SLC4A4: variants seen among roughly 807,000 people sequenced by gnomAD.
SLC4A4 encodes solute carrier family 4 member 4, also known as electrogenic sodium bicarbonate cotransporter 1.
SLC4A4 carries 27 observed loss-of-function variants against 111.5 expected under a neutral mutation model. The ratio of observed to expected loss-of-function variants is 0.24; its 90% CI spans 0.18 to 0.33. The LOEUF (loss-of-function observed/expected upper bound fraction) is 0.33. Among genes scored for constraint, SLC4A4 ranks in the 10% least tolerant of loss-of-function variants. The probability of loss-of-function intolerance (pLI) is 1.00; values close to 1 mark genes in which losing one functional copy is unlikely to be tolerated. For missense variants in SLC4A4, 909 were observed against 1,315.5 expected, an observed-to-expected ratio of 0.69 and a Z score of 4.78; for synonymous variants, 443 against 463.4, an observed-to-expected ratio of 0.96 and a Z score of 0.57.
intron 2 of SLC4A4, among the ~76,000 whole-genome samples, chr4:71,146,461 G>A (rs563987718): frequency 6.6e-6 from 1 of 152,250 alleles, no homozygotes; most frequent in African/African-American, 2.4e-5. Flanking sequence ...ATGTCCATTA[G>A]GTCCGCTTGG....
chr4:71,153,537 T>C (rs1744372456), intron 2 of SLC4A4, among the ~76,000 whole-genome samples: 1 of 152,176 alleles, frequency 6.6e-6, no homozygotes, highest in Non-Finnish European at 1.5e-5. Context: ...CTCATTGAGC[T>C]TCACTTCCTT....
chr4:71,343,946 T>C (rs1729102437), intron 4 of SLC4A4, among the ~76,000 whole-genome samples: 1 of 152,144 alleles, frequency 6.6e-6, no homozygotes, highest in African/African-American at 2.4e-5. Flanking sequence ...GCGTGGCCCA[T>C]GTCCTCATCT....
At chr4:71,103,090 T>C (rs1456191363) in intron 2 of SLC4A4, among the ~76,000 whole-genome samples, 2 of 150,998 alleles carry the variant, frequency 1.3e-5, no homozygotes, top group Admixed American at 6.6e-5. Context: ...ACCAAGCAAA[T>C]GGAAAACAAA....
At chr4:71,522,983 T>A (rs1473637144) in intron 16 of SLC4A4, among the ~76,000 whole-genome samples, 10 of 152,202 alleles carry the variant, frequency 6.6e-5, no homozygotes, top group Admixed American at 1.3e-4. Context: ...ACCATTTTTT[T>A]AATTGACATT....
intron 1 of SLC4A4, among the ~76,000 whole-genome samples, chr4:71,090,325 C>T (rs1335017473): frequency 1.3e-5 from 2 of 152,108 alleles, no homozygotes; most frequent in African/African-American, 2.4e-5. Flanking sequence ...AAGGGAATTC[C>T]CTGACCCCTT....
chr4:71,470,438 T>C (rs569808760), intron 13 of SLC4A4, among the ~76,000 whole-genome samples: 5 of 152,188 alleles, frequency 3.3e-5, no homozygotes, highest in African/African-American at 1.2e-4. Flanking sequence ...TAGAGCTAAA[T>C]ACAAATCAGA....
rs550441484 is a variant in SLC4A4 at position 71,156,246 on chromosome 4, G to C, written c.-2+63454G>C. On this transcript the variant is annotated intron_variant, in intron 2 of 26. Transcript: ENST00000649996. The stretch of plus-strand genomic sequence containing the variant: ...TGTATTGCTCATGCATTGGCTAGAA[G>C]TTTTGGTGAACCTCAGAAAGGTTTT... 1.1e-4 allele frequency among the ~76,000 whole-genome samples: 16 copies of C among 152,266 alleles called. No homozygotes were observed. In the East Asian group the frequency reaches 1.9e-3, roughly 18 times the overall value.
intron 14 of SLC4A4, among the ~76,000 whole-genome samples, chr4:71,485,577 A>G (rs1186766329): frequency 1.1e-5 from 1 of 94,906 alleles, no homozygotes; most frequent in Non-Finnish European, 3.2e-5. Context: ...GAACACAGAT[A>G]ATAATGCACA....
chr4:71,391,827 C>G (rs1383290915), intron 6 of SLC4A4, among the ~76,000 whole-genome samples: 2 of 151,946 alleles, frequency 1.3e-5, no homozygotes, highest in Non-Finnish European at 2.9e-5. Flanking sequence ...AAAGGTCCTG[C>G]TGGTTGTAGC....
In SLC4A4 at chr4:71,359,508, C is replaced by CA. The variant is rs547841885; in HGVS notation, c.730+2324dup. On this transcript the variant is annotated intron_variant, in intron 6 of 25. Transcript: ENST00000264485. ...TACATTCTTATAAATCATCAAATGG[C>CA]AAATTTTTGGCTTTCTAGAGGTGCT... is the stretch of plus-strand genomic sequence containing the variant. Among the ~76,000 whole-genome samples the CA allele has an allele frequency of 4.0e-3, 604 of 152,232 alleles. 5 individuals are homozygous for CA. Among genetic ancestry groups the CA allele is most frequent in the African/African-American group, 0.014 (577 of 41,552 alleles).
intron 3 of SLC4A4, among the ~76,000 whole-genome samples, chr4:71,292,842 G>GTTTTTTTTTTTTTTTTTTTTTT (rs869195687): frequency 9.1e-6 from 1 of 110,184 alleles, no homozygotes; most frequent in African/African-American, 3.9e-5. Flanking sequence ...GGTTTTTTTT[G>GTTTTTTTTTTTTTTTTTTTTTT]TTTTTTTTTT....
intron 6 of SLC4A4, among the ~76,000 whole-genome samples, chr4:71,386,447 ACTC>A (rs1718725362): frequency 2.0e-5 from 3 of 151,842 alleles, no homozygotes; most frequent in Non-Finnish European, 4.4e-5. Flanking sequence ...GCTTAGTAGA[ACTC>A]CTAATAATCA....
In SLC4A4 at chr4:71,146,520, G is replaced by A. The variant is rs139224967; in HGVS notation, c.-2+53728G>A. Reference sequence around the variant, plus strand: ...GATATCCTTGTTAACTTTCTGTCTCGTTCACCTGTCTAATGTGGACAGTGG... The same window carrying A: ...GATATCCTTGTTAACTTTCTGTCTCATTCACCTGTCTAATGTGGACAGTGG... On this transcript the variant is annotated intron_variant, in intron 2 of 26. Transcript: ENST00000649996. Among the ~76,000 whole-genome samples the A allele has an allele frequency of 6.2e-3, 940 of 152,150 alleles. 12 individuals carry two copies. The highest frequency in any genetic ancestry group is 0.021 in the African/African-American group (889 of 41,512).
intron 1 of SLC4A4, among the ~76,000 whole-genome samples, chr4:71,215,279 T>C (rs541960456): frequency 1.3e-5 from 2 of 152,364 alleles, no homozygotes; most frequent in African/African-American, 2.4e-5. Context: ...ACTGCTTTTT[T>C]CTTGTTTTGT....
intron 6 of SLC4A4, among the ~76,000 whole-genome samples, chr4:71,361,287 T>C (rs1410605928): frequency 6.6e-6 from 1 of 152,230 alleles, no homozygotes; most frequent in Non-Finnish European, 1.5e-5. Flanking sequence ...CACACTACTG[T>C]CTTTATTCCT....
At position 71,570,821 on chromosome 4, in the gene SLC4A4, C is replaced by T. The variant is rs1273376058; in HGVS notation, c.*3070C>T. On this transcript the variant is annotated 3_prime_UTR_variant, in exon 26 of 26. Coordinates refer to ENST00000264485, the MANE Select transcript of SLC4A4 (RefSeq NM_001098484.3). ...TGTTTTCCTTGATAAAAGTCATCTT[C>T]TCTACTGTGTGAAATGAATACTTGG... 1 of 151,792 alleles carries T rather than the reference C, an allele frequency of 6.6e-6. No homozygotes were observed. The highest frequency in any genetic ancestry group is 2.4e-5 in the African/African-American group (1 of 41,374). 9.4% of individuals were successfully genotyped at this position (151,792 alleles called of 1,614,324 possible).
At chr4:71,279,424 G>A (rs1190073089) in intron 3 of SLC4A4, among the ~76,000 whole-genome samples, 1 of 151,878 alleles carries the variant, frequency 6.6e-6, no homozygotes, top group African/African-American at 2.4e-5. Context: ...AGGATTTCCT[G>A]TTTTTCAAAG....
At chr4:71,488,091 G>T (rs1396405940) in intron 15 of SLC4A4, among the ~76,000 whole-genome samples, 2 of 150,426 alleles carry the variant, frequency 1.3e-5, no homozygotes, top group African/African-American at 4.9e-5. Context: ...AGATTTGAAA[G>T]AATTTTATTC....
At chr4:71,277,878 T>G (rs1433442077) in intron 3 of SLC4A4, among the ~76,000 whole-genome samples, 5 of 152,184 alleles carry the variant, frequency 3.3e-5, no homozygotes, top group Admixed American at 3.3e-4. Context: ...TATACATATA[T>G]GTTGATAAAG....
Sources: gnomAD v4.1 joint callset for allele counts (sites outside exome capture counted in the v4.1 genomes callset) on GRCh38, gnomAD v4.1.1 for gene constraint, MANE v1.5 for transcripts, NCBI Gene and HGNC (gene_info 2026-07-23, HGNC 2026-07-21) for gene names.